ZNF438: variants seen among roughly 807,000 people sequenced by gnomAD.
ZNF438 encodes the protein zinc finger protein 438.
Under a neutral mutation model 38.0 loss-of-function variants are expected in ZNF438, and 25 were observed. That is an observed-to-expected ratio of 0.66 (90% confidence interval 0.48 to 0.92). The LOEUF (loss-of-function observed/expected upper bound fraction) is 0.92, where lower values mean the gene tolerates loss of function less well. Among genes scored for constraint, ZNF438 ranks in the 40% least tolerant of loss-of-function variants. The probability of loss-of-function intolerance (pLI) is 0.00; values close to 1 mark genes in which losing one functional copy is unlikely to be tolerated. For missense variants in ZNF438, 1,007 were observed against 999.6 expected, an observed-to-expected ratio of 1.01 and a Z score of -0.10; for synonymous variants, 372 against 364.1, an observed-to-expected ratio of 1.02 and a Z score of -0.25.
intron 1 of ZNF438, among the ~76,000 whole-genome samples, chr10:30,942,945 C>T (rs908795795): frequency 5.9e-5 from 9 of 152,168 alleles, no homozygotes; most frequent in Non-Finnish European, 4.4e-5. Context: ...GAGAACTTAC[C>T]AATCACTAGT....
intron 1 of ZNF438, among the ~76,000 whole-genome samples, chr10:30,986,026 C>T (rs1486070668): frequency 6.6e-6 from 1 of 152,082 alleles, no homozygotes; most frequent in Non-Finnish European, 1.5e-5. Context: ...TTACAATTGC[C>T]TACGAATTCA....
At chr10:30,910,982 TTAAAACATA>T (rs1485262070) in intron 2 of ZNF438, among the ~76,000 whole-genome samples, 1 of 152,116 alleles carries the variant, frequency 6.6e-6, no homozygotes, top group Non-Finnish European at 1.5e-5. Context: ...TTTTCATAAC[TTAAAACATA>T]TGAAAAATAA....
At chr10:30,979,202 A>G (rs1336579593) in intron 1 of ZNF438, among the ~76,000 whole-genome samples, 1 of 152,242 alleles carries the variant, frequency 6.6e-6, no homozygotes, top group East Asian at 1.9e-4. Flanking sequence ...ATGGAGATGT[A>G]CAAGGACATT....
chr10:30,931,078 C>T (rs1564667152), intron 2 of ZNF438, among the ~76,000 whole-genome samples: 1 of 152,148 alleles, frequency 6.6e-6, no homozygotes, highest in Non-Finnish European at 1.5e-5. Flanking sequence ...TTACCCCATT[C>T]CCAGGCCACA....
chr10:30,972,658 A>T (rs2050874757), intron 1 of ZNF438, among the ~76,000 whole-genome samples: 1 of 152,166 alleles, frequency 6.6e-6, no homozygotes, highest in Non-Finnish European at 1.5e-5. Flanking sequence ...CCAGCTTAAA[A>T]TATATTACAG....
In ZNF438 at chr10:30,997,682, G is replaced by A. The variant is rs76923097; in HGVS notation, c.-192+34151C>T. 3.4e-3 allele frequency among the ~76,000 whole-genome samples: 517 copies of A among 152,066 alleles called. 1 individual carries two copies. The highest frequency in any genetic ancestry group is 5.7e-3 in the Non-Finnish European group (389 of 67,984). On this transcript the variant is annotated intron_variant, in intron 1 of 5. Coordinates refer to ENST00000413025, the Ensembl canonical transcript of ZNF438. ...CCTCACCACTGACTGGCTTAGAAAC[G>A]GGTATAGGATGCAATTTTAGCTAAT... is the stretch of plus-strand genomic sequence containing the variant.
intron 1 of ZNF438, among the ~76,000 whole-genome samples, chr10:31,024,519 T>C (rs1447852902): frequency 6.6e-6 from 1 of 151,910 alleles, no homozygotes; most frequent in Non-Finnish European, 1.5e-5. Flanking sequence ...TCCTAGCTAC[T>C]AGGGAGGCTG....
intron 2 of ZNF438, among the ~76,000 whole-genome samples, chr10:30,915,561 C>A (rs1291658457): frequency 6.6e-6 from 1 of 151,656 alleles, no homozygotes; most frequent in African/African-American, 2.4e-5. Flanking sequence ...ATATAGGAAG[C>A]CACAGTGTCC....
chr10:30,863,964 C>G (rs2036001099), intron 4 of ZNF438, among the ~76,000 whole-genome samples: 1 of 152,174 alleles, frequency 6.6e-6, no homozygotes, highest in Admixed American at 6.5e-5. Context: ...TTACTTGTCC[C>G]TAAGAGACTC....
intron 5 of ZNF438, among the ~76,000 whole-genome samples, chr10:30,846,232 G>A (rs1368843505): frequency 1.3e-5 from 2 of 152,210 alleles, no homozygotes; most frequent in African/African-American, 2.4e-5. Flanking sequence ...TTTCATTTGG[G>A]GAAGAGGAGA....
At chr10:31,022,480 C>T (rs968018584) in intron 1 of ZNF438, among the ~76,000 whole-genome samples, 1 of 152,096 alleles carries the variant, frequency 6.6e-6, no homozygotes, top group Non-Finnish European at 1.5e-5. Context: ...AGGCTGGTCT[C>T]GAACTCCTGA....
chr10:30,855,327 C>T (rs553217373), intron 4 of ZNF438, among the ~76,000 whole-genome samples: 10 of 152,278 alleles, frequency 6.6e-5, no homozygotes, highest in African/African-American at 2.4e-4. Context: ...CCGTGCTCCT[C>T]AAGGTCCCTG....
rs533289385 is a variant in ZNF438 at position 30,934,736 on chromosome 10, A to C, written c.-115+6839T>G. On this transcript the variant is annotated intron_variant, in intron 2 of 5. Transcript: ENST00000413025. ...CCAATAAGCCATATCTCTAGTTAGT[A>C]GTCTCATTGGCTACAAACATTTCTT... is the stretch of plus-strand genomic sequence containing the variant. 3.9e-5 allele frequency among the ~76,000 whole-genome samples: 6 copies of C among 152,364 alleles called. No individual in the cohort carries two copies. In the South Asian group the frequency reaches 1.2e-3, roughly 32 times the overall value.
At chr10:30,886,588 C>CA (rs1218358273) in intron 3 of ZNF438, among the ~76,000 whole-genome samples, 1 of 152,154 alleles carries the variant, frequency 6.6e-6, no homozygotes, top group African/African-American at 2.4e-5. Context: ...TATAGTTAGG[C>CA]AAAATCATCT....
At chr10:30,854,874 C>T (rs2034346949) in intron 4 of ZNF438, among the ~76,000 whole-genome samples, 2 of 152,100 alleles carry the variant, frequency 1.3e-5, no homozygotes, top group Non-Finnish European at 2.9e-5. Context: ...AGAAGAAAGG[C>T]AGAAATAACA....
chr10:30,957,556 A>G (rs903965430), intron 1 of ZNF438, among the ~76,000 whole-genome samples: 2 of 152,188 alleles, frequency 1.3e-5, no homozygotes, highest in East Asian at 3.8e-4. Flanking sequence ...AGAAACAGGT[A>G]TCTAGTTTCT....
intron 2 of ZNF438, among the ~76,000 whole-genome samples, chr10:30,909,958 G>T (rs1037209166): frequency 6.6e-6 from 1 of 152,164 alleles, no homozygotes; most frequent in South Asian, 2.1e-4. Flanking sequence ...CATAACCAAC[G>T]TAAAGGTCAT....
At chr10:31,012,998 T>C (rs1259881915) in intron 1 of ZNF438, among the ~76,000 whole-genome samples, 5 of 152,114 alleles carry the variant, frequency 3.3e-5, no homozygotes, top group African/African-American at 1.2e-4. Context: ...TTTAGTCCCA[T>C]ACCCAGACTA....
At chr10:30,938,285 T>A (rs2046461430) in intron 2 of ZNF438, among the ~76,000 whole-genome samples, 1 of 152,102 alleles carries the variant, frequency 6.6e-6, no homozygotes, top group African/African-American at 2.4e-5. Flanking sequence ...ATAGCTCTTT[T>A]TTTTTTTTTT....
Sources: gnomAD v4.1 joint callset for allele counts (sites outside exome capture counted in the v4.1 genomes callset) on GRCh38, gnomAD v4.1.1 for gene constraint, MANE v1.5 for transcripts, NCBI Gene and HGNC (gene_info 2026-07-23, HGNC 2026-07-21) for gene names.